Variants in RHOBTB1 observed in about 807,000 individuals in gnomAD.
RHOBTB1 encodes the protein Rho related BTB domain containing 1.
A neutral mutation model predicts 71.6 loss-of-function variants in RHOBTB1; 40 were observed. The ratio of observed to expected loss-of-function variants is 0.56; its 90% CI spans 0.43 to 0.73. The LOEUF (loss-of-function observed/expected upper bound fraction) is 0.73. Among genes scored for constraint, RHOBTB1 ranks in the 30% least tolerant of loss-of-function variants. RHOBTB1 has a pLI of 0.00. For synonymous variants in RHOBTB1, 319 were observed against 334.9 expected, an observed-to-expected ratio of 0.95 and a Z score of 0.52; for missense variants, 797 against 894.0, an observed-to-expected ratio of 0.89 and a Z score of 1.38.
chr10:60,913,219 C>T (rs548050496), intron 2 of RHOBTB1, among the ~76,000 whole-genome samples: 42 of 152,138 alleles, frequency 2.8e-4, no homozygotes, highest in Non-Finnish European at 5.7e-4. Context: ...TCGACTGTAA[C>T]GCCATCACAG....
At chr10:60,886,338 C>A (rs1007942495) in intron 6 of RHOBTB1, 108 bp from the exon 7 acceptor site, 1 of 714,010 alleles carries the variant, frequency 1.4e-6, no homozygotes, top group South Asian at 1.7e-5. Flanking sequence ...CTCTCTCTTG[C>A]ATGTCTTTAC....
chr10:60,989,836 G>A lies in RHOBTB1; in HGVS notation c.-162-3891C>T, dbSNP rs939369666. 1.2e-4 allele frequency among the ~76,000 whole-genome samples: 19 copies of A among 152,290 alleles called. No individual in the cohort carries two copies. The South Asian group carries it at 3.7e-3, about 30-fold the overall frequency. On this transcript the variant is annotated intron_variant, in intron 1 of 11. Transcript: ENST00000357917. ...GCAAGCAGGTGGGAGAGGCAAGCCA[G>A]CACTGCTTCGTGACATTTATTTACC...
chr10:60,895,535 G>T (rs2082122286), intron 4 of RHOBTB1, among the ~76,000 whole-genome samples: 1 of 152,202 alleles, frequency 6.6e-6, no homozygotes, highest in Admixed American at 6.5e-5. Flanking sequence ...CTCCTGAGTA[G>T]CTGGGATTAC....
chr10:60,944,714 T>C (rs1005193301), upstream of RHOBTB1, among the ~76,000 whole-genome samples: 11 of 152,184 alleles, frequency 7.2e-5, no homozygotes, highest in Admixed American at 3.3e-4. Flanking sequence ...AGGGAGGACA[T>C]TGGCTTTTGT....
At chr10:60,923,937 C>T (rs1407863746) in intron 2 of RHOBTB1, among the ~76,000 whole-genome samples, 1 of 152,100 alleles carries the variant, frequency 6.6e-6, no homozygotes, top group East Asian at 1.9e-4. Flanking sequence ...TTGGGTATAT[C>T]TTTATCAGCC....
At chr10:60,911,864 A>G (rs2082992043) in intron 2 of RHOBTB1, among the ~76,000 whole-genome samples, 1 of 152,142 alleles carries the variant, frequency 6.6e-6, no homozygotes, top group African/African-American at 2.4e-5. Flanking sequence ...CACTGTCGGG[A>G]CAGCTGGCAC....
intron 2 of RHOBTB1, among the ~76,000 whole-genome samples, chr10:60,952,744 T>C (rs944038701): frequency 6.6e-5 from 10 of 152,162 alleles, no homozygotes; most frequent in Non-Finnish European, 1.5e-5. Flanking sequence ...AATTCTGATA[T>C]TAAACTCAGG....
Position 60,911,385 on chromosome 10 carries a change from A to G in RHOBTB1, c.158T>C (p.Val53Ala), listed in dbSNP as rs1392390567. 1.2e-6 allele frequency: 2 copies of G among 1,613,788 alleles called. No homozygotes were observed. The highest frequency in any genetic ancestry group is 2.7e-5 in the African/African-American group (2 of 74,906). Residue 53 changes from valine (V) to alanine (A), a missense_variant, in exon 3 of 11, where the codon GTG becomes GCG. Physicochemically the swap from Val to Ala is moderately conservative, Grantham distance 64. Transcript: ENST00000337910. ...CACGCGGTACTGGTCAATCGCCCAC[A>G]CTGTTGGCACGTGGGTGGCCAGCAG... is the stretch of plus-strand genomic sequence containing the variant. ...YQLLATHVPT[V>A]WAIDQYRVCQ...
chr10:61,000,576 T>C (rs1034100783), intron 1 of RHOBTB1, among the ~76,000 whole-genome samples: 2 of 152,230 alleles, frequency 1.3e-5, no homozygotes, highest in African/African-American at 4.8e-5. Flanking sequence ...GACTCATTAT[T>C]TGAGTGACAT....
intron 1 of RHOBTB1, among the ~76,000 whole-genome samples, chr10:60,994,065 T>C (rs1248104029): frequency 6.6e-6 from 1 of 152,188 alleles, no homozygotes; most frequent in African/African-American, 2.4e-5. Flanking sequence ...TAAATGTGAC[T>C]CAAAATATTA....
intron 2 of RHOBTB1, among the ~76,000 whole-genome samples, chr10:60,916,454 A>C (rs2083274790): frequency 1.3e-5 from 2 of 152,212 alleles, no homozygotes; most frequent in African/African-American, 2.4e-5. Flanking sequence ...AATCATGAGA[A>C]ATCATAAATC....
chr10:60,952,947 G>T (rs2085465604), intron 2 of RHOBTB1, among the ~76,000 whole-genome samples: 1 of 152,064 alleles, frequency 6.6e-6, no homozygotes, highest in African/African-American at 2.4e-5. Flanking sequence ...AACACAATTT[G>T]TGGGAAAACA....
intron 2 of RHOBTB1, among the ~76,000 whole-genome samples, chr10:60,975,649 T>C (rs2086290637): frequency 6.6e-6 from 1 of 152,086 alleles, no homozygotes; most frequent in Non-Finnish European, 1.5e-5. Context: ...CATGAATACC[T>C]GATTATACAT....
chr10:60,958,024 G>C (rs892416626), intron 2 of RHOBTB1, among the ~76,000 whole-genome samples: 5 of 152,186 alleles, frequency 3.3e-5, no homozygotes, highest in African/African-American at 1.2e-4. Flanking sequence ...TGCCAGAACA[G>C]ATACAGACCC....
At chr10:60,863,095 TGGA>T in the RHOBTB1 span, among the ~76,000 whole-genome samples, 1 of 152,278 alleles carries the variant, frequency 6.6e-6, no homozygotes, top group South Asian at 2.1e-4. Context: ...ATGGGGGTGG[TGGA>T]GAACTAGAAT....
chr10:60,998,548 T>C (rs2087139951), intron 1 of RHOBTB1, among the ~76,000 whole-genome samples: 1 of 151,894 alleles, frequency 6.6e-6, no homozygotes. Context: ...AACAGAAAGG[T>C]GTTCAGAAGA....
chr10:60,924,285 A>C (rs2083735452), intron 2 of RHOBTB1, among the ~76,000 whole-genome samples: 1 of 152,162 alleles, frequency 6.6e-6, no homozygotes, highest in Non-Finnish European at 1.5e-5. Context: ...TTTTAAAAAC[A>C]TGTAACAGAG....
At chr10:60,881,548 G>A (rs940970098) in intron 7 of RHOBTB1, among the ~76,000 whole-genome samples, 1 of 152,036 alleles carries the variant, frequency 6.6e-6, no homozygotes, top group African/African-American at 2.4e-5. Context: ...GCAGGCCCAG[G>A]GATATATCAC....
At chr10:60,862,666 T>C in the RHOBTB1 span, among the ~76,000 whole-genome samples, 1 of 151,288 alleles carries the variant, frequency 6.6e-6, no homozygotes, top group African/African-American at 2.4e-5. Context: ...TTTCTTTTTT[T>C]CTTTCCTCTT....
Sources: allele counts gnomAD v4.1 joint callset (sites outside exome capture counted in the v4.1 genomes callset), GRCh38; gene constraint gnomAD v4.1.1; transcripts MANE v1.5; gene names NCBI Gene and HGNC (gene_info 2026-07-23, HGNC 2026-07-21).